TMEM245: variants seen among roughly 807,000 people sequenced by gnomAD.
TMEM245 encodes the protein transmembrane protein 245.
TMEM245 carries 69 observed loss-of-function variants against 101.2 expected under a neutral mutation model. The observed-to-expected ratio is 0.68, with a 90% CI of 0.56 to 0.83. The LOEUF (loss-of-function observed/expected upper bound fraction) is 0.83. TMEM245 is among the 40% of genes least tolerant of loss of function. The probability of loss-of-function intolerance (pLI) is 0.00; values close to 1 mark genes in which losing one functional copy is unlikely to be tolerated. For synonymous variants in TMEM245, 537 were observed against 449.8 expected, an observed-to-expected ratio of 1.19 and a Z score of -2.45; for missense variants, 1,075 against 1,092.8, an observed-to-expected ratio of 0.98 and a Z score of 0.23.
chr9:109,023,092 G>C (rs898301571), intron 17 of TMEM245, among the ~76,000 whole-genome samples: 1 of 152,142 alleles, frequency 6.6e-6, no homozygotes, highest in Non-Finnish European at 1.5e-5. Context: ...TCTCCAAAAG[G>C]ACTCAGGAAA....
rs34086900 is a variant in TMEM245 at position 109,018,900 on chromosome 9, A to ATTTTTTTTTTTTT, written c.*1547_*1559dup. On this transcript the variant is annotated 3_prime_UTR_variant, in exon 18 of 18. Coordinates refer to ENST00000374586, the MANE Select transcript of TMEM245 (RefSeq NM_032012.4). ...ATAGCCACACCACCGTGCCCAGCTA[A>ATTTTTTTTTTTTT]TTTTTTTTTTTTTTTTTTTTTTTTT... The ATTTTTTTTTTTTT allele has an allele frequency of 1.3e-5, 1 of 79,926 alleles. No homozygotes were observed. The highest frequency in any genetic ancestry group is 2.2e-5 in the Non-Finnish European group (1 of 45,482). The allele number at this position is 79,926 out of a possible 1,614,324, so 5.0% of individuals were successfully genotyped here. A position where few individuals can be genotyped will look rare whatever the true frequency, so the allele number is the denominator to read the frequency against.
intron 3 of TMEM245, among the ~76,000 whole-genome samples, chr9:109,096,364 C>T (rs891942061): frequency 1.3e-5 from 2 of 152,204 alleles, no homozygotes; most frequent in Non-Finnish European, 2.9e-5. Context: ...GTAATCCCAG[C>T]TACTCAAGAG....
At chr9:109,050,215 C>T (rs1828630196) in intron 14 of TMEM245, 68 bp downstream of exon 14, 1 of 1,578,646 alleles carries the variant, frequency 6.3e-7, no homozygotes, top group Non-Finnish European at 8.6e-7. Flanking sequence ...ATGCTCATGA[C>T]AAAAAACAGG....
rs1193341550 is a variant in TMEM245, at chr9:109,041,453, ATT to A, written c.2124-3338_2124-3337del. Among the ~76,000 whole-genome samples the A allele has an allele frequency of 4.0e-3, 330 of 83,208 alleles. 1 individual carries two copies. The highest frequency in any genetic ancestry group is 0.014 in the African/African-American group (286 of 19,944). The allele number at this position is 83,208 out of a possible 152,430, so 54.6% of individuals were successfully genotyped here. Reference sequence around the variant, plus strand: ...GTAGGATGTGGTTGCCATCCTACAAATTTTTTTTTTTTTTTTTTTTTTTTTTT... The same window carrying A: ...GTAGGATGTGGTTGCCATCCTACAAATTTTTTTTTTTTTTTTTTTTTTTTT... On this transcript the variant is annotated intron_variant, in intron 14 of 17. Coordinates refer to ENST00000374586, the MANE Select transcript of TMEM245 (RefSeq NM_032012.4).
intron 17 of TMEM245, among the ~76,000 whole-genome samples, chr9:109,026,423 C>T (rs1287484978): frequency 6.6e-6 from 1 of 151,524 alleles, no homozygotes; most frequent in African/African-American, 2.4e-5. Context: ...GTTAGGAGTT[C>T]GTTAAGAAGG....
intron 14 of TMEM245, among the ~76,000 whole-genome samples, chr9:109,047,350 G>A (rs776836100): frequency 6.6e-6 from 1 of 152,188 alleles, no homozygotes; most frequent in Non-Finnish European, 1.5e-5. Flanking sequence ...TCATATCGCT[G>A]TAGATGACAG....
chr9:109,057,314 T>C lies in TMEM245; in HGVS notation c.1731A>G (p.Thr577=), dbSNP rs1290590790. The change falls in exon 12 of 18, where the codon ACA becomes ACG. Residue 577 remains threonine (T), a synonymous_variant. Transcript: ENST00000374586. ...LYHSWFVKNV[T]HSGRHKGQKL... ...TCTGTCCTTTGTGCCTTCCAGAGTG[T>C]GTTACATTCTATGGAATAAAACAGT... 4 of 1,613,832 alleles carry C rather than the reference T, an allele frequency of 2.5e-6. No homozygotes were observed. The African/African-American group carries it at 4.0e-5, about 16-fold the overall frequency.
In TMEM245 at chr9:109,057,309, G is replaced by A. The variant is rs373302533; in HGVS notation, c.1736C>T (p.Ser579Phe). ...CAACTTCTGTCCTTTGTGCCTTCCA[G>A]AGTGTGTTACATTCTATGGAATAAA... ...HSWFVKNVTHSGRHKGQKLHV... is the reference protein window; with the variant it reads ...HSWFVKNVTHFGRHKGQKLHV... The change falls in exon 12 of 18, where the codon TCT (serine) becomes TTT (phenylalanine). Residue 579 changes from serine (S) to phenylalanine (F), a missense_variant. Physicochemically the swap from Ser to Phe is radical, Grantham distance 155. This residue lies in a region of TMEM245 where 808 missense variants were observed against 741.5 expected (regional missense o/e 1.09). Coordinates refer to ENST00000374586, the MANE Select transcript of TMEM245 (RefSeq NM_032012.4). 91 of 1,613,908 alleles carry A rather than the reference G, an allele frequency of 5.6e-5. No individual in the cohort carries two copies. The highest frequency in any genetic ancestry group is 7.5e-5 in the Non-Finnish European group (89 of 1,179,934).
At chr9:109,036,165 C>A in intron 16 of TMEM245, 41 bp downstream of exon 16, 2 of 1,495,002 alleles carry the variant, frequency 1.3e-6, no homozygotes, top group South Asian at 1.4e-5. Flanking sequence ...AACGGAAATG[C>A]CTGGATGATT....
rs546223945 is a variant in TMEM245 at position 109,029,642 on chromosome 9, C to T, written c.2594+3665G>A. On this transcript the variant is annotated intron_variant, in intron 17 of 17. Transcript: ENST00000374586. ...AAATCTATAAGAGGATGTGCTCCACCAAAAAGGAAGAAATCAAGAAAGAAA... is the reference window on the plus strand; with the variant it reads ...AAATCTATAAGAGGATGTGCTCCACTAAAAAGGAAGAAATCAAGAAAGAAA... Among the ~76,000 whole-genome samples, 60 of 152,174 alleles carry T rather than the reference C, an allele frequency of 3.9e-4. 1 individual carries two copies. Among genetic ancestry groups the T allele is most frequent in the African/African-American group, 1.4e-3 (57 of 41,520 alleles).
At chr9:109,026,678 C>A (rs193216091) in intron 17 of TMEM245, among the ~76,000 whole-genome samples, 1 of 150,786 alleles carries the variant, frequency 6.6e-6, no homozygotes, top group Non-Finnish European at 1.5e-5. Flanking sequence ...GTTTGGCTGT[C>A]TGTCCCCTGC....
chr9:109,036,480 A>G, intron 15 of TMEM245, 100 bp from the exon 16 acceptor site: 1 of 1,150,434 alleles, frequency 8.7e-7, no homozygotes, highest in Non-Finnish European at 1.2e-6. Flanking sequence ...ACTTCCAACA[A>G]AACAAGTTAA....
chr9:109,044,742 C>G (rs1368875644), intron 14 of TMEM245, among the ~76,000 whole-genome samples: 1 of 149,846 alleles, frequency 6.7e-6, no homozygotes, highest in Non-Finnish European at 1.5e-5. Flanking sequence ...TATCCATCAT[C>G]TTGATCATTT....
chr9:109,045,590 G>C (rs1828465343), intron 14 of TMEM245, among the ~76,000 whole-genome samples: 1 of 152,084 alleles, frequency 6.6e-6, no homozygotes, highest in South Asian at 2.1e-4. Context: ...AAATAACAAG[G>C]GGTTGTTTCA....
In TMEM245 at chr9:109,015,921, C is replaced by T. The variant is rs1266518292; in HGVS notation, c.*4539G>A. Reference sequence around the variant, plus strand: ...TTAAACACAATACTGATTTTACACACCACAGGTGGAAAAGAATCTCTATAC... The same window carrying T: ...TTAAACACAATACTGATTTTACACATCACAGGTGGAAAAGAATCTCTATAC... On this transcript the variant is annotated 3_prime_UTR_variant, in exon 18 of 18. Coordinates refer to ENST00000374586, the MANE Select transcript of TMEM245 (RefSeq NM_032012.4). 1 of 152,566 alleles carries T rather than the reference C, an allele frequency of 6.6e-6. No individual in the cohort carries two copies. The highest frequency in any genetic ancestry group is 2.4e-5 in the African/African-American group (1 of 41,440). The allele number at this position is 152,566 out of a possible 1,614,324, so 9.5% of individuals were successfully genotyped here.
At chr9:109,065,283 T>C (rs1829133288) in intron 9 of TMEM245, among the ~76,000 whole-genome samples, 1 of 152,184 alleles carries the variant, frequency 6.6e-6, no homozygotes. Flanking sequence ...ATCAGAACTT[T>C]TTGGAAACCT....
chr9:109,071,207 TC>T (rs1829321671), intron 9 of TMEM245, among the ~76,000 whole-genome samples: 1 of 152,088 alleles, frequency 6.6e-6, no homozygotes, highest in Non-Finnish European at 1.5e-5. Context: ...TTGAGAGTCA[TC>T]CATGTTGGTA....
Position 109,016,680 on chromosome 9 carries a change from G to GC in TMEM245, c.*3779dup, listed in dbSNP as rs1827455001. 1 of 77,016 alleles carries GC rather than the reference G, an allele frequency of 1.3e-5. No homozygotes were observed. The highest frequency in any genetic ancestry group is 1.3e-4 in the Admixed American group (1 of 7,564). The allele number at this position is 77,016 out of a possible 1,614,324, so 4.8% of individuals were successfully genotyped here. The stretch of plus-strand genomic sequence containing the variant: ...TGTGTTTTTTTTTTTTTTTTTTTTT[G>GC]CAGGTTCCCAATAATCGGTAAGTTA... On this transcript the variant is annotated 3_prime_UTR_variant, in exon 18 of 18. Transcript: ENST00000374586.
At position 109,063,361 on chromosome 9, in the gene TMEM245, G is replaced by A. The variant is rs532046112; in HGVS notation, c.1623+1116C>T. 3.3e-5 allele frequency among the ~76,000 whole-genome samples: 5 copies of A among 152,172 alleles called. No homozygotes were observed. The East Asian group carries it at 5.8e-4, about 18-fold the overall frequency. ...TCTCGAACTCTTGACCCCATGATCC[G>A]CCGCCTGCCTTGGCCTCCCAAAGTG... is the stretch of plus-strand genomic sequence containing the variant. On this transcript the variant is annotated intron_variant, in intron 10 of 17. Coordinates refer to ENST00000374586, the MANE Select transcript of TMEM245 (RefSeq NM_032012.4).
Sources: gnomAD v4.1 joint callset for allele counts (sites outside exome capture counted in the v4.1 genomes callset) on GRCh38, gnomAD v4.1.1 for gene constraint, gnomAD v4.1.1 regional missense constraint, MANE v1.5 for transcripts, NCBI Gene and HGNC (gene_info 2026-07-23, HGNC 2026-07-21) for gene names.